Variants in MAST4 observed in about 807,000 individuals in gnomAD.
MAST4 encodes the protein microtubule-associated serine/threonine-protein kinase 4.
MAST4 carries 89 observed loss-of-function variants against 162.7 expected under a neutral mutation model. The observed-to-expected ratio is 0.55, with a 90% CI of 0.46 to 0.65. The LOEUF (loss-of-function observed/expected upper bound fraction) is 0.65, where lower values mean the gene tolerates loss of function less well. MAST4 is among the 30% of genes least tolerant of loss of function. The probability of loss-of-function intolerance (pLI) is 0.00; values close to 1 mark genes in which losing one functional copy is unlikely to be tolerated. For missense variants in MAST4, 3,153 were observed against 3,374.0 expected (o/e 0.93, Z 1.62); for synonymous variants, 1,479 against 1,361.1 (o/e 1.09, Z -1.91).
At chr5:66,825,261 G>GAGACAC (rs1451713039) in intron 3 of MAST4, among the ~76,000 whole-genome samples, 3 of 135,552 alleles carry the variant, frequency 2.2e-5, no homozygotes, top group African/African-American at 8.3e-5. Flanking sequence ...TAAAAACTAA[G>GAGACAC]ACACACACAC....
In MAST4 at chr5:67,118,696, G is replaced by T; in HGVS notation, c.1606G>T (p.Gly536Ter). Reference protein sequence around the residue: ...KDPLEEMAHLGNYDSGTAETP... With the variant: ...KDPLEEMAHL ...TTCCAACTTAGAAATGGCTCATTTG[G>T]GAAACTACGATAGTGGGACAGCAGA... The change falls in exon 13 of 29, where the codon GGA becomes TGA. Residue 536 changes from glycine to a stop codon, truncating the protein, a stop_gained. Transcript: ENST00000403625. LOFTEE classifies it high-confidence loss of function. 6.4e-7 allele frequency: 1 copy of T among 1,572,272 alleles called. No individual in the cohort carries two copies. Among genetic ancestry groups the T allele is most frequent in the Non-Finnish European group, 8.7e-7 (1 of 1,155,450 alleles).
chr5:66,820,736 A>G (rs1400048137), intron 3 of MAST4, among the ~76,000 whole-genome samples: 5 of 152,330 alleles, frequency 3.3e-5, no homozygotes, highest in Admixed American at 2.6e-4. Flanking sequence ...TCATATGTAT[A>G]TAAGGGTGTC....
chr5:66,882,922 A>G (rs548472056), intron 3 of MAST4, among the ~76,000 whole-genome samples: 70 of 152,340 alleles, frequency 4.6e-4, no homozygotes, highest in Middle Eastern at 3.4e-3. Flanking sequence ...CGATACAAGA[A>G]GAAGCAAAAA....
chr5:66,999,469 G>A (rs1182250311), intron 4 of MAST4, among the ~76,000 whole-genome samples: 1 of 152,116 alleles, frequency 6.6e-6, no homozygotes, highest in Non-Finnish European at 1.5e-5. Flanking sequence ...CTTATATTTT[G>A]TTAGCTTATA....
At chr5:66,734,641 G>A (rs1309157125) in intron 1 of MAST4, among the ~76,000 whole-genome samples, 1 of 152,176 alleles carries the variant, frequency 6.6e-6, no homozygotes, top group African/African-American at 2.4e-5. Flanking sequence ...TGATAGACAT[G>A]TTCTATATTC....
chr5:66,789,944 T>G (rs2149677217), intron 3 of MAST4, among the ~76,000 whole-genome samples: 1 of 151,436 alleles, frequency 6.6e-6, no homozygotes, highest in African/African-American at 2.4e-5. Context: ...CACATTTCTA[T>G]TTTTACCCCG....
At chr5:66,765,106 G>A (rs1754031192) in intron 2 of MAST4, among the ~76,000 whole-genome samples, 1 of 152,178 alleles carries the variant, frequency 6.6e-6, no homozygotes, top group Admixed American at 6.6e-5. Context: ...TAGCCTAGGA[G>A]TAATAGGCTA....
At chr5:67,141,082 C>T (rs530094074) in intron 19 of MAST4, among the ~76,000 whole-genome samples, 1 of 152,130 alleles carries the variant, frequency 6.6e-6, no homozygotes, top group Admixed American at 6.5e-5. Context: ...GACAGCAACC[C>T]CCAACCAAGA....
intron 2 of MAST4, among the ~76,000 whole-genome samples, chr5:66,766,344 AAC>A (rs1754095443): frequency 6.6e-6 from 1 of 152,214 alleles, no homozygotes; most frequent in African/African-American, 2.4e-5. Flanking sequence ...ATATGTGTAT[AAC>A]ATGCACATAA....
At chr5:66,945,998 G>A (rs189028734) in intron 4 of MAST4, among the ~76,000 whole-genome samples, 4 of 152,200 alleles carry the variant, frequency 2.6e-5, no homozygotes, top group South Asian at 4.1e-4. Flanking sequence ...TCAAAATAAC[G>A]CAGCCTCTCT....
intron 4 of MAST4, among the ~76,000 whole-genome samples, chr5:66,962,037 C>G (rs932299648): frequency 1.3e-5 from 2 of 152,164 alleles, no homozygotes; most frequent in Non-Finnish European, 2.9e-5. Context: ...TAGTTTAAGA[C>G]AAATACAGCC....
chr5:66,986,254 C>G (rs1252533355), intron 4 of MAST4, among the ~76,000 whole-genome samples: 2 of 152,016 alleles, frequency 1.3e-5, no homozygotes, highest in African/African-American at 4.8e-5. Context: ...GAGCACAGAG[C>G]TGGGAAGGGC....
intron 7 of MAST4, among the ~76,000 whole-genome samples, chr5:67,095,989 T>C (rs879582163): frequency 3.3e-5 from 5 of 152,180 alleles, no homozygotes; most frequent in Non-Finnish European, 5.9e-5. Flanking sequence ...TTTATTGCTT[T>C]GGTTCCATGC....
At chr5:66,673,553 G>A (rs7715504) in intron 1 of MAST4, among the ~76,000 whole-genome samples, 71,041 of 142,380 alleles carry the variant, frequency 0.5, 18,558 homozygotes, top group South Asian at 0.64. Flanking sequence ...TTGAGACAGA[G>A]TCTTGCTCTG....
intron 2 of MAST4, among the ~76,000 whole-genome samples, chr5:66,769,651 T>C (rs1754273435): frequency 6.6e-6 from 1 of 152,224 alleles, no homozygotes; most frequent in South Asian, 2.1e-4. Flanking sequence ...TTTATGTATC[T>C]GACATACCTA....
intron 3 of MAST4, among the ~76,000 whole-genome samples, chr5:66,852,370 C>G (rs2149815043): frequency 6.6e-6 from 1 of 152,228 alleles, no homozygotes; most frequent in East Asian, 1.9e-4. Context: ...GTCTCAAACT[C>G]CTGGGCTCAA....
chr5:66,982,536 T>C (rs1288945366), intron 4 of MAST4, among the ~76,000 whole-genome samples: 1 of 151,996 alleles, frequency 6.6e-6, no homozygotes, highest in Non-Finnish European at 1.5e-5. Flanking sequence ...AACTAGCACA[T>C]CCTAAAACAA....
intron 4 of MAST4, among the ~76,000 whole-genome samples, chr5:66,975,940 G>A (rs1308788344): frequency 2.0e-5 from 3 of 152,136 alleles, no homozygotes. Context: ...TGAGGTTGCA[G>A]TGAGCCAAGA....
chr5:66,808,431 T>G (rs1375347273), intron 3 of MAST4, among the ~76,000 whole-genome samples: 1 of 152,112 alleles, frequency 6.6e-6, no homozygotes, highest in Non-Finnish European at 1.5e-5. Context: ...TAAATTAGGT[T>G]TTTTTTTGGT....
Sources: allele counts gnomAD v4.1 joint callset (sites outside exome capture counted in the v4.1 genomes callset), GRCh38; gene constraint gnomAD v4.1.1; transcripts MANE v1.5; gene names NCBI Gene and HGNC (gene_info 2026-07-23, HGNC 2026-07-21).